Variants in SVBP observed in about 807,000 individuals in gnomAD.
SVBP encodes the protein small vasohibin-binding protein.
In SVBP, 9 loss-of-function variants were observed where a neutral mutation model predicts 9.2. The observed-to-expected ratio is 0.98, with a 90% CI of 0.59 to 1.71. The LOEUF is 1.71. Among genes scored for constraint, SVBP ranks in the 40% most tolerant of loss-of-function variants. SVBP has a pLI of 0.00. For synonymous variants in SVBP, 27 were observed against 23.9 expected (o/e 1.13, Z -0.37); for missense variants, 63 against 73.2 (o/e 0.86, Z 0.51).
intron 2 of SVBP, among the ~76,000 whole-genome samples, 193 bp from the exon 3 acceptor site, chr1:42,807,693 T>C (rs1171965964): frequency 1.3e-5 from 2 of 152,078 alleles, no homozygotes; most frequent in Non-Finnish European, 2.9e-5. Context: ...GTGATGCAGG[T>C]GGCTTGATTT....
At chr1:42,812,073 G>A (rs1654095271) in intron 2 of SVBP, among the ~76,000 whole-genome samples, 2 of 151,092 alleles carry the variant, frequency 1.3e-5, no homozygotes, top group African/African-American at 4.9e-5. Context: ...TACAATAGAG[G>A]AAGTCTCTCA....
intron 2 of SVBP, among the ~76,000 whole-genome samples, chr1:42,808,060 A>C (rs1353004132): frequency 6.7e-6 from 1 of 149,970 alleles, no homozygotes; most frequent in African/African-American, 2.5e-5. Context: ...ATGTCATGCC[A>C]AGGAATCTGG....
At chr1:42,812,452 T>C (rs1654102210) in intron 2 of SVBP, among the ~76,000 whole-genome samples, 2 of 152,228 alleles carry the variant, frequency 1.3e-5, no homozygotes, top group African/African-American at 4.8e-5. Context: ...ATATTAAATC[T>C]TTATTTCCCC....
chr1:42,808,164 T>TATATATATATAC (rs1654004898), intron 2 of SVBP, among the ~76,000 whole-genome samples: 1 of 129,422 alleles, frequency 7.7e-6, no homozygotes, highest in East Asian at 2.3e-4. Flanking sequence ...TATATATATA[T>TATATATATATAC]ATATATATAT....
chr1:42,813,897 G>T, intron 2 of SVBP: 1 of 244,610 alleles, frequency 4.1e-6, no homozygotes, highest in Non-Finnish European at 8.4e-6. Context: ...AGCTCTCAGG[G>T]GGTCTGCCTT....
At chr1:42,814,278 A>G (rs1029499095) in intron 2 of SVBP, among the ~76,000 whole-genome samples, 2 of 151,314 alleles carry the variant, frequency 1.3e-5, no homozygotes, top group Non-Finnish European at 2.9e-5. Context: ...GGGTTTCACC[A>G]TGTTGGCCAG....
chr1:42,814,724 G>A (rs1254437266), intron 2 of SVBP, among the ~76,000 whole-genome samples: 1 of 152,196 alleles, frequency 6.6e-6, no homozygotes, highest in Non-Finnish European at 1.5e-5. Context: ...AACAACAGGT[G>A]CTGGAGAGGA....
intron 2 of SVBP, 139 bp from the exon 3 acceptor site, chr1:42,807,639 G>A: frequency 1.6e-6 from 1 of 633,816 alleles, no homozygotes; most frequent in South Asian, 2.0e-5. Context: ...CTGGGAATAG[G>A]AAAGTTAGAT....
chr1:42,807,673 G>A (rs1410053354), intron 2 of SVBP, among the ~76,000 whole-genome samples, 173 bp from the exon 3 acceptor site: 2 of 152,158 alleles, frequency 1.3e-5, no homozygotes, highest in Non-Finnish European at 2.9e-5. Context: ...GGAGAATCAA[G>A]ACAGCAGCAG....
Position 42,807,372 on chromosome 1 carries a change from T to C in SVBP, c.*42A>G. The C allele has an allele frequency of 1.3e-6, 2 of 1,483,082 alleles. No homozygotes were observed. The highest frequency in any genetic ancestry group is 1.7e-5 in the Admixed American group (1 of 59,676). 91.9% of individuals were successfully genotyped at this position (1,483,082 alleles called of 1,614,324 possible). ...TCTCAGCTTAAAACTGGCAACACCC[T>C]CTCAAAGCTCTCAGGATCCCATCTG... is the stretch of plus-strand genomic sequence containing the variant. On this transcript the variant is annotated 3_prime_UTR_variant, in exon 3 of 3. Transcript: ENST00000372521.
intron 2 of SVBP, chr1:42,813,589 G>C: frequency 1.9e-6 from 1 of 529,800 alleles, no homozygotes; most frequent in Non-Finnish European, 3.8e-6. Flanking sequence ...CCAAATTGGG[G>C]GTGCTCTCCA....
chr1:42,815,113 T>C (rs1654169022), intron 2 of SVBP, among the ~76,000 whole-genome samples: 1 of 147,918 alleles, frequency 6.8e-6, no homozygotes, highest in Non-Finnish European at 1.5e-5. Flanking sequence ...CAAACTATCG[T>C]AAGAACAAAA....
At position 42,807,154 on chromosome 1, in the gene SVBP, T is replaced by G. The variant is rs1393700496; in HGVS notation, c.*260A>C. ...ATAGAAAAAGTGTTTTTTGTGTGTG[T>G]TTTTTTTTTTTTTTTAAAAAAACCC... On this transcript the variant is annotated 3_prime_UTR_variant, in exon 3 of 3. Transcript: ENST00000372521. 2.2e-5 allele frequency: 2 copies of G among 92,446 alleles called. No individual in the cohort carries two copies. Among genetic ancestry groups the G allele is most frequent in the East Asian group, 1.7e-4 (1 of 5,784 alleles). The allele number at this position is 92,446 out of a possible 1,614,324, so 5.7% of individuals were successfully genotyped here. A position where few individuals can be genotyped will look rare whatever the true frequency, so the allele number is the denominator to read the frequency against.
Position 42,817,189 on chromosome 1 carries a change from C to T in SVBP, c.-37+1G>A. The T allele has an allele frequency of 8.0e-7, 1 of 1,250,088 alleles. No homozygotes were observed. The allele number at this position is 1,250,088 out of a possible 1,614,324, so 77.4% of individuals were successfully genotyped here. A position where few individuals can be genotyped will look rare whatever the true frequency, so the allele number is the denominator to read the frequency against. On this transcript the variant is annotated splice_donor_variant, in intron 1 of 2. Coordinates refer to ENST00000372521, the MANE Select transcript of SVBP (RefSeq NM_199342.4). LOFTEE classifies it low-confidence loss of function (5UTR_SPLICE). The stretch of plus-strand genomic sequence containing the variant: ...CGACCAAGAGGCTTGGGAGTCTGTA[C>T]CTTTCCCGACCGGGCCACTGGAAGT...
chr1:42,815,628 CTA>C (rs1491156418), intron 2 of SVBP, among the ~76,000 whole-genome samples: 1 of 151,848 alleles, frequency 6.6e-6, no homozygotes, highest in Non-Finnish European at 1.5e-5. Flanking sequence ...ATAAAATAGA[CTA>C]TTATAAAAAT....
chr1:42,816,482 C>T lies in SVBP; in HGVS notation c.63G>A (p.Lys21=). The change falls in exon 2 of 3, where the codon AAG becomes AAA. Residue 21 remains lysine, a synonymous_variant. Coordinates refer to ENST00000372521, the MANE Select transcript of SVBP (RefSeq NM_199342.4). ...CCTGCTGGGCTGATTTCTGTTTGGC[C>T]TTCTCAACTCTGCTGACAGATTCTT... is the stretch of plus-strand genomic sequence containing the variant. ...KVKESVSRVE[K]AKQKSAQQEL... 1 of 1,614,146 alleles carries T rather than the reference C, an allele frequency of 6.2e-7. No homozygotes were observed. The highest frequency in any genetic ancestry group is 1.1e-5 in the South Asian group (1 of 91,076).
In SVBP at chr1:42,816,468, G is replaced by T. The variant is rs1557600690; in HGVS notation, c.77C>A (p.Ser26Ter). Residue 26 changes from serine (S) to a stop codon, truncating the protein, a stop_gained, in exon 2 of 3, where the codon TCA (serine) becomes TAA (stop). Transcript: ENST00000372521. LOFTEE classifies it high-confidence loss of function. ...TCTCTGCTTCAGCTCCTGCTGGGCTGATTTCTGTTTGGCCTTCTCAACTCT... is the reference window on the plus strand; with the variant it reads ...TCTCTGCTTCAGCTCCTGCTGGGCTTATTTCTGTTTGGCCTTCTCAACTCT... ...VSRVEKAKQK[S>*]AQQELKQRQR... 6.2e-7 allele frequency: 1 copy of T among 1,614,080 alleles called. No homozygotes were observed. Among genetic ancestry groups the T allele is most frequent in the Non-Finnish European group, 8.5e-7 (1 of 1,179,972 alleles).
chr1:42,817,057 A>ACCGCCCGG, intron 1 of SVBP, 133 bp downstream of exon 1: 1 of 56,464 alleles, frequency 1.8e-5, no homozygotes, highest in South Asian at 5.7e-4. Context: ...CCCGCCCCCC[A>ACCGCCCGG]CCGCCCGGCC....
At position 42,808,141 on chromosome 1, in the gene SVBP, GTGTGTGTGTA is replaced by G. The variant is rs1394349618; in HGVS notation, c.115-651_115-642del. 4.2e-3 allele frequency among the ~76,000 whole-genome samples: 173 copies of G among 41,674 alleles called. 2 individuals carry two copies. Among genetic ancestry groups the G allele is most frequent in the African/African-American group, 0.02 (171 of 8,614 alleles). The allele number at this position is 41,674 out of a possible 152,430, so 27.3% of individuals were successfully genotyped here. A position where few individuals can be genotyped will look rare whatever the true frequency, so the allele number is the denominator to read the frequency against. ...GGGGAGCAATGTGAATATAGTGTGT[GTGTGTGTGTA>G]TATATATATATATATATATATATAT... is the stretch of plus-strand genomic sequence containing the variant. On this transcript the variant is annotated intron_variant, in intron 2 of 2. Transcript: ENST00000372521.
Sources: allele counts gnomAD v4.1 joint callset (sites outside exome capture counted in the v4.1 genomes callset), GRCh38; gene constraint gnomAD v4.1.1; transcripts MANE v1.5; gene names NCBI Gene and HGNC (gene_info 2026-07-23, HGNC 2026-07-21).